CCDC85A: variants seen among roughly 807,000 people sequenced by gnomAD.
CCDC85A encodes coiled-coil domain-containing protein 85A.
A neutral mutation model predicts 50.2 loss-of-function variants in CCDC85A; 38 were observed. That is an observed-to-expected ratio of 0.76 (90% CI 0.58 to 0.99). CCDC85A has a LOEUF of 0.99. Among genes scored for constraint, CCDC85A ranks in the 50% least tolerant of loss-of-function variants. The pLI is 0.00. For synonymous variants in CCDC85A, 366 were observed against 301.4 expected (o/e 1.21, Z -2.22); for missense variants, 820 against 742.0 (o/e 1.11, Z -1.22).
chr2:56,230,923 T>G (rs190213111), intron 2 of CCDC85A, among the ~76,000 whole-genome samples: 119 of 152,214 alleles, frequency 7.8e-4, no homozygotes, highest in African/African-American at 2.7e-3. Context: ...CTTATTCTTT[T>G]GCTACTGAGG....
intron 2 of CCDC85A, among the ~76,000 whole-genome samples, chr2:56,199,797 T>G (rs1030026486): frequency 2.0e-5 from 3 of 152,204 alleles, no homozygotes; most frequent in African/African-American, 7.2e-5. Context: ...CTTCTAAGAG[T>G]AAACTGCATG....
At chr2:56,215,922 A>T (rs1370641379) in intron 2 of CCDC85A, among the ~76,000 whole-genome samples, 1 of 151,954 alleles carries the variant, frequency 6.6e-6, no homozygotes, top group Non-Finnish European at 1.5e-5. Flanking sequence ...CAAGAAAATT[A>T]TGACATTTAA....
At chr2:56,295,807 C>G (rs528711582) in intron 2 of CCDC85A, among the ~76,000 whole-genome samples, 3 of 152,306 alleles carry the variant, frequency 2.0e-5, no homozygotes, top group Admixed American at 2.0e-4. Context: ...CCTCCCTCCC[C>G]TATCATAACA....
At chr2:56,220,223 C>G (rs76824058) in intron 2 of CCDC85A, among the ~76,000 whole-genome samples, 3,022 of 148,516 alleles carry the variant, frequency 0.02, 49 homozygotes, top group Non-Finnish European at 0.028. Flanking sequence ...CTTCCATAAT[C>G]CCTTTTGATT....
Position 56,218,685 on chromosome 2 carries a change from C to G in CCDC85A, c.1240+25245C>G, listed in dbSNP as rs1002544812. ...AGAGCTTGTTTGACCAGTCAGGATT[C>G]TATCCCAGACTACCCTATCATCATC... On this transcript the variant is annotated intron_variant, in intron 2 of 5. Coordinates refer to ENST00000407595, the MANE Select transcript of CCDC85A (RefSeq NM_001080433.2). Among the ~76,000 whole-genome samples, 7 of 151,846 alleles carry G rather than the reference C, an allele frequency of 4.6e-5. No individual in the cohort carries two copies. The South Asian group carries it at 6.2e-4, about 13-fold the overall frequency.
intron 3 of CCDC85A, among the ~76,000 whole-genome samples, chr2:56,363,676 T>C (rs374546874): frequency 2.8e-4 from 42 of 152,334 alleles, no homozygotes; most frequent in African/African-American, 9.6e-4. Flanking sequence ...TCAGCAAATA[T>C]TTATTTTAAG....
At chr2:56,372,070 G>A (rs1676100904) in intron 3 of CCDC85A, among the ~76,000 whole-genome samples, 1 of 152,116 alleles carries the variant, frequency 6.6e-6, no homozygotes, top group South Asian at 2.1e-4. Context: ...ATACCTTCAA[G>A]TTTTTTCTGT....
rs1395073684 is a variant in CCDC85A at position 56,372,398 on chromosome 2, G to A, written c.1372G>A (p.Gly458Ser). ...TAGAAACAGCTCAAATATGGAGAAAGGCTGGGGGTCCAGAGCCCGGCGGGT... is the reference window on the plus strand; with the variant it reads ...TAGAAACAGCTCAAATATGGAGAAAAGCTGGGGGTCCAGAGCCCGGCGGGT... ...PTRNSSNMEK[G>S]WGSRARRVLQ... Residue 458 changes from glycine to serine, a missense_variant, in exon 4 of 6, where the codon GGC (glycine) becomes AGC (serine). Gly to Ser is a moderately conservative substitution (Grantham distance 56). Coordinates refer to ENST00000407595, the MANE Select transcript of CCDC85A (RefSeq NM_001080433.2). The A allele has an allele frequency of 1.2e-6, 2 of 1,602,686 alleles. No homozygotes were observed. Among genetic ancestry groups the A allele is most frequent in the East Asian group, 2.3e-5 (1 of 44,444 alleles).
intron 2 of CCDC85A, among the ~76,000 whole-genome samples, chr2:56,327,831 CAA>C (rs70955016): frequency 0.18 from 17,156 of 93,292 alleles, 1,109 homozygotes; most frequent in East Asian, 0.34. Context: ...TAGAGTAAGG[CAA>C]AAAAAAAAAA....
At chr2:56,330,359 G>A (rs910281969) in intron 2 of CCDC85A, among the ~76,000 whole-genome samples, 2 of 152,144 alleles carry the variant, frequency 1.3e-5, no homozygotes, top group Non-Finnish European at 2.9e-5. Flanking sequence ...GCATAAAGAA[G>A]TTCCTCTGAG....
At chr2:56,361,210 C>T (rs1330638290) in intron 3 of CCDC85A, among the ~76,000 whole-genome samples, 4 of 151,562 alleles carry the variant, frequency 2.6e-5, no homozygotes, top group Admixed American at 6.6e-5. Flanking sequence ...GCGGAGATCG[C>T]GCCACTGCAC....
intron 2 of CCDC85A, among the ~76,000 whole-genome samples, chr2:56,288,409 G>C (rs915777894): frequency 2.0e-5 from 3 of 151,654 alleles, no homozygotes; most frequent in African/African-American, 7.3e-5. Flanking sequence ...CAGTTTTTAA[G>C]ATCTTCTTAT....
chr2:56,268,589 C>G, intron 2 of CCDC85A, among the ~76,000 whole-genome samples: 1 of 108,784 alleles, frequency 9.2e-6, no homozygotes, highest in Admixed American at 1.3e-4. Flanking sequence ...AGCAAGATTC[C>G]GTCTCAAAAA....
intron 3 of CCDC85A, among the ~76,000 whole-genome samples, chr2:56,360,298 A>G (rs949981023): frequency 2.2e-4 from 33 of 152,200 alleles, no homozygotes; most frequent in African/African-American, 7.0e-4. Context: ...CTTCACAGCT[A>G]CCACGTGAAG....
At chr2:56,368,946 A>T (rs952992011) in intron 3 of CCDC85A, among the ~76,000 whole-genome samples, 8 of 152,040 alleles carry the variant, frequency 5.3e-5, no homozygotes, top group African/African-American at 1.9e-4. Context: ...TAAATTAAAA[A>T]ATTTCCTTGA....
In CCDC85A at chr2:56,385,563, T is replaced by C. The variant is rs1676785234; in HGVS notation, c.*1208T>C. ...GTGCAAGAGGCCTGTGACCGAATGC[T>C]ACGTTTTTATGGTAGTTTAAGATTA... is the stretch of plus-strand genomic sequence containing the variant. On this transcript the variant is annotated 3_prime_UTR_variant, in exon 6 of 6. Coordinates refer to ENST00000407595, the MANE Select transcript of CCDC85A (RefSeq NM_001080433.2). 1 of 152,018 alleles carries C rather than the reference T, an allele frequency of 6.6e-6. No homozygotes were observed. The highest frequency in any genetic ancestry group is 1.5e-5 in the Non-Finnish European group (1 of 67,832). The allele number at this position is 152,018 out of a possible 1,614,324, so 9.4% of individuals were successfully genotyped here.
intron 2 of CCDC85A, among the ~76,000 whole-genome samples, chr2:56,335,345 G>C (rs531820565): frequency 6.6e-6 from 1 of 152,224 alleles, no homozygotes; most frequent in East Asian, 1.9e-4. Context: ...TTAGCGCTTG[G>C]GGTTTATTGA....
chr2:56,335,213 A>C (rs1320258196), intron 2 of CCDC85A, among the ~76,000 whole-genome samples: 1 of 152,200 alleles, frequency 6.6e-6, no homozygotes, highest in Non-Finnish European at 1.5e-5. Context: ...CCTGAAGAAG[A>C]AAAACACTTT....
intron 2 of CCDC85A, among the ~76,000 whole-genome samples, chr2:56,239,738 G>A (rs906387393): frequency 6.6e-6 from 1 of 152,126 alleles, no homozygotes; most frequent in Non-Finnish European, 1.5e-5. Flanking sequence ...GGCATGTTCT[G>A]CCCTCATTCA....
Sources: gnomAD v4.1 joint callset for allele counts (sites outside exome capture counted in the v4.1 genomes callset) on GRCh38, gnomAD v4.1.1 for gene constraint, MANE v1.5 for transcripts, NCBI Gene and HGNC (gene_info 2026-07-23, HGNC 2026-07-21) for gene names.